ICE1: variants seen among roughly 807,000 people sequenced by gnomAD.
The protein encoded by ICE1 is interactor of little elongation complex ELL subunit 1.
ICE1 carries 64 observed loss-of-function variants against 192.7 expected under a neutral mutation model. The ratio of observed to expected loss-of-function variants is 0.33; its 90% CI spans 0.27 to 0.41. ICE1 has a LOEUF of 0.41. Ranked by LOEUF, ICE1 falls within the 10% of genes least tolerant of loss-of-function variation. The pLI is 1.00. For synonymous variants in ICE1, 1,010 were observed against 984.5 expected, an observed-to-expected ratio of 1.03 and a Z score of -0.49; for missense variants, 2,708 against 2,696.0, an observed-to-expected ratio of 1.00 and a Z score of -0.10.
At chr5:5,433,748 C>T (rs910422099) in intron 1 of ICE1, among the ~76,000 whole-genome samples, 2 of 152,060 alleles carry the variant, frequency 1.3e-5, no homozygotes, top group African/African-American at 4.8e-5. Flanking sequence ...TTAAGCATGT[C>T]TTTTGTGGGA....
chr5:5,472,418 A>T (rs1185422573), intron 15 of ICE1, among the ~76,000 whole-genome samples: 1 of 152,214 alleles, frequency 6.6e-6, no homozygotes, highest in Non-Finnish European at 1.5e-5. Context: ...GTATACATGC[A>T]GATTATCCCA....
chr5:5,435,435 A>G (rs1320392098), intron 1 of ICE1, among the ~76,000 whole-genome samples: 1 of 152,286 alleles, frequency 6.6e-6, no homozygotes, highest in East Asian at 1.9e-4. Flanking sequence ...ATTTCAAATT[A>G]TTACTTGGTG....
intron 16 of ICE1, 150 bp downstream of exon 16, chr5:5,473,898 A>G: frequency 1.6e-6 from 1 of 611,816 alleles, no homozygotes. Flanking sequence ...TATAAGAGTT[A>G]ATAAAACTAC....
Position 5,485,163 on chromosome 5 carries a change from T to A in ICE1, c.6521-1558T>A, listed in dbSNP as rs533683596. On this transcript the variant is annotated intron_variant, in intron 17 of 18. Transcript: ENST00000296564. The stretch of plus-strand genomic sequence containing the variant: ...ATTGAGAACCCTCAAAGAACTTTTG[T>A]TACTCCAGGTTACATCTATCTGTAT... Among the ~76,000 whole-genome samples the A allele has an allele frequency of 5.9e-5, 9 of 152,282 alleles. No homozygotes were observed. The South Asian group carries it at 6.2e-4, about 11-fold the overall frequency.
At chr5:5,439,763 G>C (rs1384063233) in intron 3 of ICE1, 132 bp from the exon 4 acceptor site, 28 of 524,422 alleles carry the variant, frequency 5.3e-5, no homozygotes, top group Non-Finnish European at 9.3e-5. Flanking sequence ...TTTGAATATA[G>C]TTTTCTAGTA....
chr5:5,468,398 ACACTT>A (rs951444068), intron 14 of ICE1, among the ~76,000 whole-genome samples: 2 of 152,114 alleles, frequency 1.3e-5, no homozygotes, highest in African/African-American at 4.8e-5. Flanking sequence ...TCTGTAGACT[ACACTT>A]CAATTAATTT....
rs72646680 is a variant in ICE1, at chr5:5,457,303, C to T, written c.692-29C>T. 3.2e-6 allele frequency: 5 copies of T among 1,543,032 alleles called. No individual in the cohort carries two copies. In the South Asian group the frequency reaches 5.0e-5, roughly 15 times the overall value. ...TAAGTTTTCTTGATATTGTAAATAC[C>T]TGATACCTACTTTTGTTCCCCCACA... On this transcript the variant is annotated intron_variant, in intron 11 of 18. Transcript: ENST00000296564.
In ICE1 at chr5:5,473,606, A is replaced by C; in HGVS notation, c.6271A>C (p.Ile2091Leu). 1.2e-6 allele frequency: 2 copies of C among 1,613,688 alleles called. No homozygotes were observed. The highest frequency in any genetic ancestry group is 1.7e-6 in the Non-Finnish European group (2 of 1,179,830). ...GFMVSKLLLT[I>L]QLCPKTEFQP... is the part of the protein sequence containing the mutation. ...CATGGTTTCTAAGCTGCTTTTGACC[A>C]TACAGTTATGTCCAAAAACAGAATT... is the stretch of plus-strand genomic sequence containing the variant. The change falls in exon 16 of 19, where the codon ATA (isoleucine) becomes CTA (leucine). Residue 2091 changes from isoleucine to leucine, a missense_variant. By Grantham distance (5) the Ile-to-Leu change is conservative. Coordinates refer to ENST00000296564, the MANE Select transcript of ICE1 (RefSeq NM_015325.3).
rs754164582 is a variant in ICE1 at position 5,460,750 on chromosome 5, T to C, written c.1416T>C (p.Ser472=). The C allele has an allele frequency of 2.5e-6, 4 of 1,613,746 alleles. No homozygotes were observed. The African/African-American group carries it at 5.3e-5, about 22-fold the overall frequency. The stretch of plus-strand genomic sequence containing the variant: ...GGACCACAGCATCTCGATCCATGAG[T>C]GATAGAAAAAGAGACATTTTACATG... The part of the protein sequence containing the change: ...KHWTTASRSM[S]DRKRDILHET... Residue 472 remains serine (S), a synonymous_variant, in exon 13 of 19, where the codon AGT becomes AGC. Coordinates refer to ENST00000296564, the MANE Select transcript of ICE1 (RefSeq NM_015325.3).
chr5:5,456,278 G>A (rs750478443), intron 11 of ICE1, among the ~76,000 whole-genome samples: 2 of 152,172 alleles, frequency 1.3e-5, no homozygotes, highest in Non-Finnish European at 2.9e-5. Context: ...TTAACATTGT[G>A]CAAATATTCT....
At chr5:5,423,069 G>T in intron 1 of ICE1, 70 bp downstream of exon 1, 2 of 1,083,132 alleles carry the variant, frequency 1.8e-6, no homozygotes, top group Non-Finnish European at 2.4e-6. Flanking sequence ...GCAGGGATGT[G>T]GGGTCCGGCC....
At chr5:5,459,409 T>C (rs771778518) in intron 12 of ICE1, among the ~76,000 whole-genome samples, 31 of 151,968 alleles carry the variant, frequency 2.0e-4, no homozygotes, top group Non-Finnish European at 4.1e-4. Context: ...TGTACACAGG[T>C]GAGATACTGG....
chr5:5,460,992 C>T lies in ICE1; in HGVS notation c.1658C>T (p.Ser553Phe). The part of the protein sequence containing the change: ...LMESEGKTVL[S>F]KMMGSPKSEF... ...GAATCTGAAGGAAAAACCGTATTGTCTAAAATGATGGGATCGCCCAAATCA... is the reference window on the plus strand; with the variant it reads ...GAATCTGAAGGAAAAACCGTATTGTTTAAAATGATGGGATCGCCCAAATCA... Residue 553 changes from serine (S) to phenylalanine (F), a missense_variant, in exon 13 of 19, where the codon TCT (serine) becomes TTT (phenylalanine). By Grantham distance (155) the Ser-to-Phe change is radical. Coordinates refer to ENST00000296564, the MANE Select transcript of ICE1 (RefSeq NM_015325.3). 1.9e-6 allele frequency: 3 copies of T among 1,614,034 alleles called. No homozygotes were observed. Among genetic ancestry groups the T allele is most frequent in the Non-Finnish European group, 2.5e-6 (3 of 1,179,906 alleles).
intron 12 of ICE1, among the ~76,000 whole-genome samples, chr5:5,459,558 C>T (rs1273837223): frequency 6.6e-6 from 1 of 151,950 alleles, no homozygotes; most frequent in Non-Finnish European, 1.5e-5. Context: ...GGGGAACCGT[C>T]CCTATGTAAG....
chr5:5,486,613 G>GAT, intron 17 of ICE1, 108 bp from the exon 18 acceptor site: 1 of 698,298 alleles, frequency 1.4e-6, no homozygotes, highest in Non-Finnish European at 2.5e-6. Flanking sequence ...AAGACGAAAT[G>GAT]ATGAGGCATT....
Position 5,462,166 on chromosome 5 carries a change from A to G in ICE1, c.2832A>G (p.Ser944=), listed in dbSNP as rs1014535964. Residue 944 remains serine, a synonymous_variant, in exon 13 of 19, where the codon TCA becomes TCG. Transcript: ENST00000296564. ...ATTTTAATTCTCCAGGTGGTTCTTC[A>G]CCAGTAGAAAATTCTGATTGTTCCA... ...KLDFNSPGGS[S]PVENSDCSTN... 6.2e-7 allele frequency: 1 copy of G among 1,613,230 alleles called. No homozygotes were observed. Among genetic ancestry groups the G allele is most frequent in the Middle Eastern group, 1.7e-4 (1 of 6,060 alleles).
chr5:5,441,122 A>G lies in ICE1; in HGVS notation c.208A>G (p.Asn70Asp). The G allele has an allele frequency of 2.6e-6, 4 of 1,539,356 alleles. No individual in the cohort carries two copies. Among genetic ancestry groups the G allele is most frequent in the Non-Finnish European group, 3.5e-6 (4 of 1,133,336 alleles). Residue 70 changes from asparagine (N) to aspartate (D), a missense_variant, in exon 5 of 19, where the codon AAT becomes GAT. Asn to Asp is a conservative substitution (Grantham distance 23). Around this residue, in one of 2 missense-constraint regions of ICE1, gnomAD observed 2,366 missense variants for 2,276.6 expected, o/e 1.04. Transcript: ENST00000296564. ...ATTCATTGTCTTTAGAGAGAATAGTAATCTGCATCACCAAGTGGAAGAGAT... is the reference window on the plus strand; with the variant it reads ...ATTCATTGTCTTTAGAGAGAATAGTGATCTGCATCACCAAGTGGAAGAGAT... The part of the protein sequence containing the change: ...ELQFARRENS[N>D]LHHQVEEMLQ...
At chr5:5,485,694 A>G (rs1205798502) in intron 17 of ICE1, among the ~76,000 whole-genome samples, 1 of 152,248 alleles carries the variant, frequency 6.6e-6, no homozygotes, top group Non-Finnish European at 1.5e-5. Flanking sequence ...AACCTGCATT[A>G]TTCACTTGGA....
intron 1 of ICE1, 150 bp downstream of exon 1, chr5:5,423,149 C>G (rs1561067697): frequency 2.3e-6 from 1 of 427,718 alleles, no homozygotes; most frequent in South Asian, 9.0e-5. Flanking sequence ...TCTCTCTGCT[C>G]TCTTTTTCCT....
Sources: gnomAD v4.1 joint callset for allele counts (sites outside exome capture counted in the v4.1 genomes callset) on GRCh38, gnomAD v4.1.1 for gene constraint, gnomAD v4.1.1 regional missense constraint, MANE v1.5 for transcripts, NCBI Gene and HGNC (gene_info 2026-07-23, HGNC 2026-07-21) for gene names.